EPS8: variants seen among roughly 807,000 people sequenced by gnomAD.
EPS8 encodes the protein epidermal growth factor receptor kinase substrate 8.
In EPS8, 42 loss-of-function variants were observed where a neutral mutation model predicts 103.8. The ratio of observed to expected loss-of-function variants is 0.40; its 90% CI spans 0.32 to 0.52. EPS8 has a LOEUF of 0.52. EPS8 is among the 20% of genes least tolerant of loss of function. EPS8 has a pLI of 0.40. For missense variants in EPS8, 969 were observed against 1,005.1 expected (o/e 0.96, Z 0.49); for synonymous variants, 344 against 344.6 (o/e 1.00, Z 0.02).
chr12:15,669,666 T>C lies in EPS8; in HGVS notation c.364A>G (p.Lys122Glu). The change falls in exon 5 of 21, where the codon AAG becomes GAG. Residue 122 changes from lysine (K) to glutamate (E), a missense_variant and splice_region_variant. Coordinates refer to ENST00000281172, the MANE Select transcript of EPS8 (RefSeq NM_004447.6). ...RAVSLIDLES[K>E]NELENFPLNT... ...TAGTATAAATTTTACACACTTGCCT[T>C]TGATTCTAAATCAATCAGGCTCACA... is the stretch of plus-strand genomic sequence containing the variant. The C allele has an allele frequency of 6.3e-7, 1 of 1,592,136 alleles. No homozygotes were observed. Among genetic ancestry groups the C allele is most frequent in the South Asian group, 1.1e-5 (1 of 87,810 alleles).
In EPS8 at chr12:15,659,345, T is replaced by TA. The variant is rs549176921; in HGVS notation, c.938-761dup. On this transcript the variant is annotated intron_variant, in intron 10 of 20. Coordinates refer to ENST00000281172, the MANE Select transcript of EPS8 (RefSeq NM_004447.6). ...TTAAAGACTGCTTCGAAAGCAGGGT[T>TA]AAAAAAAATGATAGTAGCTTGAACT... Among the ~76,000 whole-genome samples the TA allele has an allele frequency of 2.2e-3, 332 of 151,704 alleles. 2 individuals are homozygous for TA. Among genetic ancestry groups the TA allele is most frequent in the African/African-American group, 7.2e-3 (300 of 41,400 alleles).
At position 15,693,149 on chromosome 12, in the gene EPS8, C is replaced by A. The variant is rs188167697; in HGVS notation, c.-21-10177G>T. Among the ~76,000 whole-genome samples, 24 of 152,244 alleles carry A rather than the reference C, an allele frequency of 1.6e-4. No individual in the cohort carries two copies. Among genetic ancestry groups the A allele is most frequent in the Admixed American group, 1.2e-3 (19 of 15,292 alleles). ...ACTGCACAGAAGTCCTGCTGGCAGA[C>A]CCCAGCCATCAGTGTCTATCGGTCT... On this transcript the variant is annotated intron_variant, in intron 1 of 20. Coordinates refer to ENST00000281172, the MANE Select transcript of EPS8 (RefSeq NM_004447.6). The surrounding 1 kb of genome is among the most constrained non-coding windows in gnomAD (Gnocchi z 5.6).
chr12:15,647,341 A>C (rs922152867), intron 14 of EPS8, 81 bp from the exon 15 acceptor site: 138 of 1,229,538 alleles, frequency 1.1e-4, no homozygotes, highest in Non-Finnish European at 1.5e-4. Context: ...AAGATCTCTC[A>C]ACTATATTGT....
rs1946948635 is a variant in EPS8, at chr12:15,752,935, A to G, written c.-22+36226T>C. On this transcript the variant is annotated intron_variant, in intron 1 of 20. Coordinates refer to ENST00000281172, the MANE Select transcript of EPS8 (RefSeq NM_004447.6). This position sits in a 1 kb window ranked among gnomAD's most constrained non-coding sequence, Gnocchi z 4.4. ...CAACATCAACAATATTAGTTGCATCATTTCAGTTACATTATGGTAAAAGGG... is the reference window on the plus strand; with the variant it reads ...CAACATCAACAATATTAGTTGCATCGTTTCAGTTACATTATGGTAAAAGGG... Among the ~76,000 whole-genome samples the G allele has an allele frequency of 6.6e-6, 1 of 152,032 alleles. No individual in the cohort carries two copies.
chr12:15,670,807 T>C (rs1335238093), intron 4 of EPS8, 49 bp downstream of exon 4: 4 of 1,252,644 alleles, frequency 3.2e-6, no homozygotes, highest in Non-Finnish European at 3.4e-6. Context: ...CCAATTTTTA[T>C]GTTCCTCAAG....
At chr12:15,664,315 T>G (rs1945670655) in intron 8 of EPS8, among the ~76,000 whole-genome samples, 1 of 152,068 alleles carries the variant, frequency 6.6e-6, no homozygotes, top group African/African-American at 2.4e-5. Context: ...CAAAGAATTC[T>G]TTTTTTCATA....
chr12:15,774,825 A>C (rs929993442), intron 1 of EPS8, among the ~76,000 whole-genome samples: 2 of 151,756 alleles, frequency 1.3e-5, no homozygotes, highest in African/African-American at 4.8e-5. Flanking sequence ...TATTTATCTA[A>C]AGCCTTCTTT....
intron 17 of EPS8, 76 bp downstream of exon 17, chr12:15,640,627 G>A (rs1945212042): frequency 7.6e-7 from 1 of 1,315,686 alleles, no homozygotes; most frequent in African/African-American, 1.5e-5. Flanking sequence ...AATACACAAA[G>A]GTGTTTAAAT....
chr12:15,658,441 G>A (rs1326355868), intron 11 of EPS8, 56 bp downstream of exon 11: 5 of 1,176,866 alleles, frequency 4.2e-6, no homozygotes, highest in Non-Finnish European at 6.3e-6. Context: ...ATCCTGACTA[G>A]ATTTTCACCT....
At position 15,761,722 on chromosome 12, in the gene EPS8, G is replaced by A. The variant is rs1947043769; in HGVS notation, c.-22+27439C>T. ...TTCAATAAATGGCGCTGGGAAAACT[G>A]GATATCCATATCCAGAAGAAGGAAA... On this transcript the variant is annotated intron_variant, in intron 1 of 20. Transcript: ENST00000281172. This position sits in a 1 kb window ranked among gnomAD's most constrained non-coding sequence, Gnocchi z 4.5. Among the ~76,000 whole-genome samples the A allele has an allele frequency of 6.6e-6, 1 of 152,002 alleles. No individual in the cohort carries two copies. The highest frequency in any genetic ancestry group is 1.5e-5 in the Non-Finnish European group (1 of 67,996).
Position 15,650,966 on chromosome 12 carries a change from G to A in EPS8, c.1291C>T (p.Pro431Ser), listed in dbSNP as rs1344258207. 2 of 1,614,108 alleles carry A rather than the reference G, an allele frequency of 1.2e-6. No individual in the cohort carries two copies. The highest frequency in any genetic ancestry group is 1.7e-5 in the Admixed American group (1 of 60,018). The change falls in exon 14 of 21, where the codon CCA (proline) becomes TCA (serine). Residue 431 changes from proline to serine, a missense_variant. Transcript: ENST00000281172. ...GGCTCCCAGCCATTGCGGAATCGTG[G>A]AACATATGGTGGAATAAACTGTTCT... ...PKEQFIPPYV[P>S]RFRNGWEPPM... is the part of the protein sequence containing the mutation.
intron 1 of EPS8, among the ~76,000 whole-genome samples, chr12:15,724,956 A>G (rs1014448345): frequency 6.6e-6 from 1 of 152,190 alleles, no homozygotes; most frequent in African/African-American, 2.4e-5. Flanking sequence ...CAAAACTTAA[A>G]ATAGCATACA....
At chr12:15,756,161 A>C (rs1295944842) in intron 1 of EPS8, among the ~76,000 whole-genome samples, 1 of 152,206 alleles carries the variant, frequency 6.6e-6, no homozygotes, top group Non-Finnish European at 1.5e-5. Flanking sequence ...AATGTTGCTA[A>C]ATATTCAGTC....
At chr12:15,756,940 G>A (rs903086650) in intron 1 of EPS8, among the ~76,000 whole-genome samples, 3 of 152,166 alleles carry the variant, frequency 2.0e-5, no homozygotes. Flanking sequence ...AGAGTCTACA[G>A]TCATCATAAT....
chr12:15,720,434 T>A (rs1946582645), intron 1 of EPS8, among the ~76,000 whole-genome samples: 1 of 152,128 alleles, frequency 6.6e-6, no homozygotes, highest in African/African-American at 2.4e-5. Flanking sequence ...ATTACAGATG[T>A]GCCATCATGC....
chr12:15,746,016 C>A (rs1946871706), intron 1 of EPS8, among the ~76,000 whole-genome samples: 1 of 152,112 alleles, frequency 6.6e-6, no homozygotes, highest in Admixed American at 6.5e-5. Flanking sequence ...CTATGAACAC[C>A]TTTATAGGAG....
chr12:15,707,651 C>T (rs1383246262), intron 1 of EPS8, among the ~76,000 whole-genome samples: 3 of 152,016 alleles, frequency 2.0e-5, no homozygotes, highest in Non-Finnish European at 4.4e-5. Flanking sequence ...GATTTCTGAG[C>T]GTATTACTAC....
chr12:15,664,701 C>T (rs1945677535), intron 8 of EPS8, among the ~76,000 whole-genome samples: 2 of 152,092 alleles, frequency 1.3e-5, no homozygotes, highest in Admixed American at 1.3e-4. Context: ...GCCAGATACC[C>T]TGTGTGAATA....
intron 15 of EPS8, among the ~76,000 whole-genome samples, 199 bp from the exon 16 acceptor site, chr12:15,642,029 G>C (rs1024516345): frequency 3.9e-5 from 6 of 151,920 alleles, no homozygotes; most frequent in African/African-American, 1.4e-4. Flanking sequence ...TATGGCCAGG[G>C]ATAAAAACAA....
Sources: gnomAD v4.1 joint callset for allele counts (sites outside exome capture counted in the v4.1 genomes callset) on GRCh38, gnomAD v4.1.1 for gene constraint, Gnocchi (gnomAD v3.1) non-coding constraint, MANE v1.5 for transcripts, NCBI Gene and HGNC (gene_info 2026-07-23, HGNC 2026-07-21) for gene names.